ZNF532: variants seen among roughly 807,000 people sequenced by gnomAD.
ZNF532 encodes zinc finger protein 532.
Under a neutral mutation model 89.3 loss-of-function variants are expected in ZNF532, and 22 were observed. The observed-to-expected ratio is 0.25, with a 90% CI of 0.18 to 0.35. ZNF532 has a LOEUF of 0.35. Ranked by LOEUF, ZNF532 falls within the 10% of genes least tolerant of loss-of-function variation. ZNF532 has a pLI of 1.00. For missense variants in ZNF532, 1,132 were observed against 1,643.4 expected (o/e 0.69, Z 5.38); for synonymous variants, 606 against 649.6 (o/e 0.93, Z 1.02).
At chr18:58,931,578 C>T (rs984763923) in intron 3 of ZNF532, 7 of 152,150 alleles carry the variant, frequency 4.6e-5, no homozygotes, top group African/African-American at 1.7e-4. Context: ...GAGTTTAAAA[C>T]TATTGATACC....
chr18:58,925,687 G>C (rs2146253095), intron 3 of ZNF532, among the ~76,000 whole-genome samples: 1 of 152,330 alleles, frequency 6.6e-6, no homozygotes, highest in South Asian at 2.1e-4. Flanking sequence ...CATAGCTCTA[G>C]ATCCTAAACA....
rs760665831 is a variant in ZNF532 at position 58,919,607 on chromosome 18, C to A, written c.1320C>A (p.Pro440=). Residue 440 remains proline (P), a synonymous_variant, in exon 3 of 10, where the codon CCC becomes CCA. Coordinates refer to ENST00000591808, the MANE Select transcript of ZNF532 (RefSeq NM_001375912.1). The surrounding 1 kb of genome is among the most constrained non-coding windows in gnomAD (Gnocchi z 6.1). ...CAGTTTCCCCTGCAGAGCTCACCCC[C>A]AAACAGGTCACAATCAAGCCTGTGG... ...TNAVSPAELT[P]KQVTIKPVAT... The A allele has an allele frequency of 1.9e-6, 3 of 1,614,182 alleles. No individual in the cohort carries two copies. Among genetic ancestry groups the A allele is most frequent in the Non-Finnish European group, 2.5e-6 (3 of 1,180,054 alleles).
At chr18:58,917,643 TAACA>T (rs2060700393) in intron 2 of ZNF532, among the ~76,000 whole-genome samples, 1 of 152,060 alleles carries the variant, frequency 6.6e-6, no homozygotes, top group Non-Finnish European at 1.5e-5. Flanking sequence ...GTTTCTTTTT[TAACA>T]AACATAATAG....
chr18:58,940,696 CT>C, intron 5 of ZNF532, among the ~76,000 whole-genome samples: 1 of 152,302 alleles, frequency 6.6e-6, no homozygotes, highest in Middle Eastern at 3.4e-3. Flanking sequence ...ATGGAGGGCT[CT>C]GTCAGCATTA....
At chr18:58,934,672 A>G in intron 4 of ZNF532, 58 bp downstream of exon 4, 1 of 1,535,398 alleles carries the variant, frequency 6.5e-7, no homozygotes, top group Non-Finnish European at 8.9e-7. Context: ...ACCGCACAGC[A>G]TTTTGAGTGG....
chr18:58,927,334 G>T (rs987031147), intron 3 of ZNF532, among the ~76,000 whole-genome samples: 12 of 151,972 alleles, frequency 7.9e-5, no homozygotes. Flanking sequence ...GGGTGGGGCC[G>T]TAGTGTTTTC....
chr18:58,897,021 G>A (rs1043534619), intron 2 of ZNF532, among the ~76,000 whole-genome samples: 2 of 152,224 alleles, frequency 1.3e-5, no homozygotes, highest in African/African-American at 4.8e-5. Flanking sequence ...TCTAGTCTTA[G>A]GTTGTAAGCT....
At chr18:58,868,997 G>A (rs1352282104) in intron 2 of ZNF532, among the ~76,000 whole-genome samples, 1 of 152,172 alleles carries the variant, frequency 6.6e-6, no homozygotes, top group Non-Finnish European at 1.5e-5. Flanking sequence ...ACTGCATACT[G>A]TAGGCAGTTT....
intron 2 of ZNF532, among the ~76,000 whole-genome samples, chr18:58,868,318 A>G (rs947755229): frequency 6.6e-6 from 1 of 152,234 alleles, no homozygotes; most frequent in Non-Finnish European, 1.5e-5. Flanking sequence ...ATGGTTAAAG[A>G]ATTAGCTTAA....
intron 7 of ZNF532, among the ~76,000 whole-genome samples, chr18:58,968,638 A>G (rs1285838671): frequency 6.6e-6 from 1 of 152,154 alleles, no homozygotes; most frequent in African/African-American, 2.4e-5. Flanking sequence ...GAGCGTAGAC[A>G]TAGATCCCTT....
At position 58,867,783 on chromosome 18, in the gene ZNF532, T is replaced by C. The variant is rs148164044; in HGVS notation, c.-18+2204T>C. Reference sequence around the variant, plus strand: ...ACCCTTCTTGTTTTTATCCTTTGCCTATTCAATCATTTTTTCCATGTTAAA... The same window carrying C: ...ACCCTTCTTGTTTTTATCCTTTGCCCATTCAATCATTTTTTCCATGTTAAA... On this transcript the variant is annotated intron_variant, in intron 2 of 9. Coordinates refer to ENST00000591808, the MANE Select transcript of ZNF532 (RefSeq NM_001375912.1). Among the ~76,000 whole-genome samples the C allele has an allele frequency of 7.2e-3, 1,102 of 152,332 alleles. 7 individuals carry two copies. The highest frequency in any genetic ancestry group is 0.025 in the African/African-American group (1,031 of 41,572).
intron 7 of ZNF532, among the ~76,000 whole-genome samples, chr18:58,970,372 G>A (rs2066354554): frequency 6.6e-6 from 1 of 152,282 alleles, no homozygotes; most frequent in African/African-American, 2.4e-5. Context: ...CTGAGAACAG[G>A]AATAATAAGA....
chr18:58,890,511 A>G (rs940095324), intron 2 of ZNF532, among the ~76,000 whole-genome samples: 1 of 150,818 alleles, frequency 6.6e-6, no homozygotes, highest in East Asian at 1.9e-4. Context: ...TGTACCTGGT[A>G]TCTCCTTGCC....
chr18:58,926,095 A>G (rs1213036389), intron 3 of ZNF532: 3 of 152,172 alleles, frequency 2.0e-5, no homozygotes, highest in Admixed American at 1.3e-4. Context: ...AAATTTTAGA[A>G]TAATGTTGTG....
chr18:58,928,268 T>C (rs2061685854), intron 3 of ZNF532, among the ~76,000 whole-genome samples: 1 of 152,126 alleles, frequency 6.6e-6, no homozygotes, highest in African/African-American at 2.4e-5. Flanking sequence ...ACTGCCAGTA[T>C]GCCATGGGTT....
At chr18:58,915,635 A>G (rs1199537043) in intron 2 of ZNF532, among the ~76,000 whole-genome samples, 2 of 152,178 alleles carry the variant, frequency 1.3e-5, no homozygotes, top group African/African-American at 4.8e-5. Context: ...GCTGCTGTGC[A>G]TGCGTTTATA....
At chr18:58,961,777 A>C (rs1478078775) in intron 7 of ZNF532, among the ~76,000 whole-genome samples, 2 of 152,228 alleles carry the variant, frequency 1.3e-5, no homozygotes, top group African/African-American at 2.4e-5. Flanking sequence ...GAGCTTTGAT[A>C]GCTGTCTTCA....
intron 7 of ZNF532, among the ~76,000 whole-genome samples, chr18:58,970,505 C>T (rs1398204516): frequency 2.6e-5 from 4 of 152,148 alleles, no homozygotes; most frequent in Non-Finnish European, 5.9e-5. Flanking sequence ...AATAGGGCAG[C>T]AAAGATTTTT....
chr18:58,864,022 C>T (rs1174762753), upstream of ZNF532: 1 of 152,248 alleles, frequency 6.6e-6, no homozygotes, highest in African/African-American at 2.4e-5. Flanking sequence ...CGGGCTAGGC[C>T]CCGCAGGTTA....
Sources: allele counts gnomAD v4.1 joint callset (sites outside exome capture counted in the v4.1 genomes callset), GRCh38; gene constraint gnomAD v4.1.1; non-coding constraint Gnocchi (gnomAD v3.1); transcripts MANE v1.5; gene names NCBI Gene and HGNC (gene_info 2026-07-23, HGNC 2026-07-21).